OSBPL9: variants seen among roughly 807,000 people sequenced by gnomAD.
The protein encoded by OSBPL9 is oxysterol-binding protein-related protein 9.
Under a neutral mutation model 106.6 loss-of-function variants are expected in OSBPL9, and 40 were observed. The ratio of observed to expected loss-of-function variants is 0.38; its 90% CI spans 0.29 to 0.49. The LOEUF (loss-of-function observed/expected upper bound fraction) is 0.49, where lower values mean the gene tolerates loss of function less well. Ranked by LOEUF, OSBPL9 falls within the 20% of genes least tolerant of loss-of-function variation. OSBPL9 has a pLI of 0.97. For synonymous variants in OSBPL9, 269 were observed against 295.4 expected, an observed-to-expected ratio of 0.91 and a Z score of 0.92; for missense variants, 609 against 887.2, an observed-to-expected ratio of 0.69 and a Z score of 3.98.
At chr1:51,536,902 A>G in the OSBPL9 span, among the ~76,000 whole-genome samples, 2 of 152,210 alleles carry the variant, frequency 1.3e-5, no homozygotes, top group African/African-American at 2.4e-5. Context: ...TTAAGGTGGT[A>G]TCTACCAGAT....
chr1:51,659,578 A>G (rs922510653), intron 2 of OSBPL9, among the ~76,000 whole-genome samples: 20 of 152,180 alleles, frequency 1.3e-4, no homozygotes, highest in African/African-American at 4.8e-4. Flanking sequence ...AACAGTAGAG[A>G]GCATAAACCA....
chr1:51,543,597 G>T, the OSBPL9 span, among the ~76,000 whole-genome samples: 3 of 152,072 alleles, frequency 2.0e-5, no homozygotes, highest in Non-Finnish European at 4.4e-5. Context: ...GGATTTCACC[G>T]TGTTAGCCAG....
chr1:51,636,755 G>C (rs1008141173), intron 1 of OSBPL9, among the ~76,000 whole-genome samples: 4 of 152,088 alleles, frequency 2.6e-5, no homozygotes, highest in African/African-American at 9.7e-5. Flanking sequence ...TTCAAGGCCA[G>C]CCTGGGCAAC....
chr1:51,725,985 A>G (rs899218835), intron 4 of OSBPL9, among the ~76,000 whole-genome samples: 1 of 152,224 alleles, frequency 6.6e-6, no homozygotes, highest in Non-Finnish European at 1.5e-5. Context: ...ATAGCCTGCT[A>G]TTGACTGGAA....
rs374414579 is a variant in OSBPL9 at position 51,681,274 on chromosome 1, A to C, written c.241+11762A>C. The stretch of plus-strand genomic sequence containing the variant: ...GAAGTAGGCTGTGTGAGTTGAACAA[A>C]GACTTGCATGGTATAGGAGGGTATA... On this transcript the variant is annotated intron_variant, in intron 3 of 23. Transcript: ENST00000428468. 2.6e-4 allele frequency among the ~76,000 whole-genome samples: 39 copies of C among 152,332 alleles called. No homozygotes were observed. The East Asian group carries it at 6.2e-3, about 24-fold the overall frequency.
At chr1:51,552,977 A>G in the OSBPL9 span, among the ~76,000 whole-genome samples, 3 of 151,662 alleles carry the variant, frequency 2.0e-5, no homozygotes, top group African/African-American at 7.3e-5. Flanking sequence ...AAAAAAAAAA[A>G]CAAACTTTTT....
chr1:51,742,889 T>C (rs1557781210), intron 4 of OSBPL9, among the ~76,000 whole-genome samples: 1 of 152,232 alleles, frequency 6.6e-6, no homozygotes, highest in Non-Finnish European at 1.5e-5. Flanking sequence ...GGGTTTCTCA[T>C]CTCATGAGAT....
In OSBPL9 at chr1:51,702,450, T is replaced by G. The variant is rs1024888335; in HGVS notation, c.242-11553T>G. On this transcript the variant is annotated intron_variant, in intron 3 of 23. Transcript: ENST00000428468. ...TGTTGGCTGCATAAATGTCTTCTTTTGAGAAGTGTCTGTTCATATCCTTTG... is the reference window on the plus strand; with the variant it reads ...TGTTGGCTGCATAAATGTCTTCTTTGGAGAAGTGTCTGTTCATATCCTTTG... Among the ~76,000 whole-genome samples the G allele has an allele frequency of 9.2e-5, 14 of 152,002 alleles. 1 individual carries two copies. The South Asian group carries it at 2.1e-3, about 23-fold the overall frequency.
intron 3 of OSBPL9, among the ~76,000 whole-genome samples, chr1:51,692,157 A>G (rs984092220): frequency 1.3e-5 from 2 of 152,082 alleles, no homozygotes; most frequent in African/African-American, 4.8e-5. Context: ...TAATTTTTAA[A>G]TATTAGCCAG....
At chr1:51,682,220 T>C (rs1034460498) in intron 3 of OSBPL9, among the ~76,000 whole-genome samples, 3 of 151,656 alleles carry the variant, frequency 2.0e-5, no homozygotes, top group Non-Finnish European at 4.4e-5. Context: ...AAAATTACAT[T>C]ATTTTTACTG....
rs764484651 is a variant in OSBPL9, at chr1:51,760,670, A to G, written c.583-20A>G. 1.2e-6 allele frequency: 2 copies of G among 1,613,098 alleles called. No individual in the cohort carries two copies. The highest frequency in any genetic ancestry group is 2.7e-5 in the African/African-American group (2 of 74,830). ...AGAGCATTTAATTAAAAATAGCTAT[A>G]TTGTGTTTCTTTATTTTAGAGTACT... is the stretch of plus-strand genomic sequence containing the variant. On this transcript the variant is annotated intron_variant, in intron 9 of 23. Coordinates refer to ENST00000428468, the MANE Select transcript of OSBPL9 (RefSeq NM_024586.6).
At chr1:51,660,531 A>G (rs79431176) in intron 2 of OSBPL9, among the ~76,000 whole-genome samples, 318 of 152,360 alleles carry the variant, frequency 2.1e-3, no homozygotes, top group African/African-American at 6.9e-3. Context: ...AATGTAGAAA[A>G]GTTACATACT....
intron 8 of OSBPL9, among the ~76,000 whole-genome samples, chr1:51,753,471 A>G (rs141894979): frequency 7.9e-5 from 12 of 152,346 alleles, no homozygotes; most frequent in Non-Finnish European, 1.8e-4. Context: ...AGTGACAGTA[A>G]CACATCTGGT....
At chr1:51,555,420 T>C in the OSBPL9 span, among the ~76,000 whole-genome samples, 1 of 151,008 alleles carries the variant, frequency 6.6e-6, no homozygotes, top group Admixed American at 6.6e-5. Context: ...AACTAGGGAG[T>C]TGGAGGTTGC....
At chr1:51,755,945 T>G (rs1270586420) in intron 8 of OSBPL9, among the ~76,000 whole-genome samples, 1 of 152,220 alleles carries the variant, frequency 6.6e-6, no homozygotes. Flanking sequence ...AAGTTGAATC[T>G]TACAATATGT....
At position 51,745,625 on chromosome 1, in the gene OSBPL9, A is replaced by G. The variant is rs146590238; in HGVS notation, c.408A>G (p.Gln136=). 5 of 1,579,600 alleles carry G rather than the reference A, an allele frequency of 3.2e-6. No individual in the cohort carries two copies. Among genetic ancestry groups the G allele is most frequent in the Non-Finnish European group, 4.3e-6 (5 of 1,169,216 alleles). Residue 136 remains glutamine, a synonymous_variant, in exon 5 of 24, where the codon CAA becomes CAG. Coordinates refer to ENST00000428468, the MANE Select transcript of OSBPL9 (RefSeq NM_024586.6). ...CTTACCTACAAATCTTGATTGAACA[A>G]TTAAAGGTATGGCATTAGTTTGTAT... ...ADAYLQILIE[Q]LKLFDDKLQN...
At chr1:51,552,170 G>T in the OSBPL9 span, among the ~76,000 whole-genome samples, 3 of 152,106 alleles carry the variant, frequency 2.0e-5, no homozygotes, top group African/African-American at 4.8e-5. Context: ...GCGATCTGAG[G>T]TTCAGACTTC....
rs556794962 is a variant in OSBPL9, at chr1:51,787,239, T to A, written c.2001-114T>A. 1.8e-4 allele frequency: 187 copies of A among 1,023,616 alleles called. 1 individual carries two copies. The East Asian group carries it at 4.4e-3, about 24-fold the overall frequency. The allele number at this position is 1,023,616 out of a possible 1,614,324, so 63.4% of individuals were successfully genotyped here. ...GTGCCCTGGTGCCAGCGTAAGGAGATTTAGTCTGTGACCTACAGCACTTAA... is the reference window on the plus strand; with the variant it reads ...GTGCCCTGGTGCCAGCGTAAGGAGAATTAGTCTGTGACCTACAGCACTTAA... On this transcript the variant is annotated intron_variant, in intron 22 of 23. Transcript: ENST00000428468.
chr1:51,599,113 T>G (rs1355848495), intron 2 of OSBPL9, among the ~76,000 whole-genome samples: 1 of 152,002 alleles, frequency 6.6e-6, no homozygotes, highest in Non-Finnish European at 1.5e-5. Flanking sequence ...CTCAAGAGGA[T>G]GAGGTTGGAA....
Sources: allele counts gnomAD v4.1 joint callset (sites outside exome capture counted in the v4.1 genomes callset), GRCh38; gene constraint gnomAD v4.1.1; transcripts MANE v1.5; gene names NCBI Gene and HGNC (gene_info 2026-07-23, HGNC 2026-07-21).